Variants in MGMT observed in about 807,000 individuals in gnomAD.
MGMT encodes the protein methylated-DNA--protein-cysteine methyltransferase.
Under a neutral mutation model 15.9 loss-of-function variants are expected in MGMT, and 14 were observed. The ratio of observed to expected loss-of-function variants is 0.88; its 90% CI spans 0.58 to 1.37. The LOEUF is 1.37. Among genes scored for constraint, MGMT ranks in the 40% most tolerant of loss-of-function variants. The probability of loss-of-function intolerance (pLI) is 0.00; values close to 1 mark genes in which losing one functional copy is unlikely to be tolerated. For synonymous variants in MGMT, 130 were observed against 118.2 expected (o/e 1.10, Z -0.65); for missense variants, 282 against 268.1 (o/e 1.05, Z -0.36).
At chr10:129,668,860 T>G (rs527905229) in intron 2 of MGMT, among the ~76,000 whole-genome samples, 1 of 152,162 alleles carries the variant, frequency 6.6e-6, no homozygotes, top group Non-Finnish European at 1.5e-5. Context: ...TAGAGAAACA[T>G]CTCTACAATT....
At chr10:129,515,390 G>A (rs963967596) in intron 1 of MGMT, among the ~76,000 whole-genome samples, 3 of 152,222 alleles carry the variant, frequency 2.0e-5, no homozygotes, top group Admixed American at 1.3e-4. Context: ...TTTCCGCAAG[G>A]CCCCGTTGAA....
intron 3 of MGMT, among the ~76,000 whole-genome samples, chr10:129,757,364 C>G (rs933503756): frequency 4.6e-5 from 7 of 152,208 alleles, no homozygotes; most frequent in Non-Finnish European, 1.0e-4. Context: ...CATTGTTTCT[C>G]GGAACTGCTC....
At chr10:129,544,148 C>T (rs551349895) in intron 2 of MGMT, among the ~76,000 whole-genome samples, 1 of 152,222 alleles carries the variant, frequency 6.6e-6, no homozygotes, top group Non-Finnish European at 1.5e-5. Context: ...TCATGCCCCT[C>T]TCTCCTTTAT....
chr10:129,718,299 A>G (rs890383398), intron 3 of MGMT, among the ~76,000 whole-genome samples: 1 of 152,214 alleles, frequency 6.6e-6, no homozygotes, highest in African/African-American at 2.4e-5. Context: ...GCTTCGGGCT[A>G]GGTGTCTCCT....
intron 2 of MGMT, among the ~76,000 whole-genome samples, chr10:129,666,268 T>G (rs957106205): frequency 3.3e-5 from 5 of 152,204 alleles, no homozygotes; most frequent in African/African-American, 1.2e-4. Flanking sequence ...TAGAATGCAT[T>G]TGTCAACTTT....
chr10:129,749,525 C>T (rs1458665400), intron 3 of MGMT, among the ~76,000 whole-genome samples: 4 of 152,130 alleles, frequency 2.6e-5, no homozygotes, highest in Non-Finnish European at 5.9e-5. Flanking sequence ...GTTCACCTAT[C>T]GAACAACATT....
intron 3 of MGMT, among the ~76,000 whole-genome samples, chr10:129,713,741 G>T (rs1358815327): frequency 6.6e-6 from 1 of 152,062 alleles, no homozygotes; most frequent in Non-Finnish European, 1.5e-5. Flanking sequence ...GTGGTGAGGG[G>T]TCTTCTGAGC....
intron 1 of MGMT, among the ~76,000 whole-genome samples, chr10:129,468,877 C>T (rs543662975): frequency 6.6e-5 from 10 of 152,228 alleles, no homozygotes; most frequent in African/African-American, 2.4e-4. Context: ...GAGAGTGAAA[C>T]TGTCCTGAAG....
rs148167529 is a variant in MGMT at position 129,560,585 on chromosome 10, C to T, written c.125+24208C>T. 5.8e-3 allele frequency among the ~76,000 whole-genome samples: 884 copies of T among 152,276 alleles called. 5 individuals are homozygous for T. Among genetic ancestry groups the T allele is most frequent in the Non-Finnish European group, 8.6e-3 (587 of 68,014 alleles). ...TCCTTCGTTCTTTTGCTGTTGGTTA[C>T]GGTGGCAGAGTGCCTACTGTGTACA... On this transcript the variant is annotated intron_variant, in intron 2 of 4. Transcript: ENST00000651593.
At chr10:129,548,521 T>G (rs543582319) in intron 2 of MGMT, among the ~76,000 whole-genome samples, 1 of 152,398 alleles carries the variant, frequency 6.6e-6, no homozygotes, top group Non-Finnish European at 1.5e-5. Flanking sequence ...ACTGGGCCAC[T>G]CATTTCCTTC....
chr10:129,759,521 C>A (rs1418933263), intron 4 of MGMT, among the ~76,000 whole-genome samples, 180 bp downstream of exon 4: 2 of 152,134 alleles, frequency 1.3e-5, no homozygotes, highest in Non-Finnish European at 1.5e-5. Flanking sequence ...GAGGCTACCC[C>A]AGCACTACAC....
At chr10:129,593,892 G>A (rs2133056016) in intron 2 of MGMT, among the ~76,000 whole-genome samples, 1 of 152,354 alleles carries the variant, frequency 6.6e-6, no homozygotes, top group Non-Finnish European at 1.5e-5. Flanking sequence ...GAGAAGGTGG[G>A]AGCAGAGGAG....
At chr10:129,580,545 T>C (rs1001714573) in intron 2 of MGMT, among the ~76,000 whole-genome samples, 1 of 152,162 alleles carries the variant, frequency 6.6e-6, no homozygotes, top group Non-Finnish European at 1.5e-5. Context: ...AGTGATACCC[T>C]AAAGCCCATG....
chr10:129,596,863 G>C (rs920261504), intron 2 of MGMT, among the ~76,000 whole-genome samples: 3 of 152,152 alleles, frequency 2.0e-5, no homozygotes, highest in African/African-American at 7.2e-5. Context: ...AGCCAGGAAA[G>C]AGAGGGAAGC....
Position 129,508,528 on chromosome 10 carries a change from T to G in MGMT, c.-12-27713T>G, listed in dbSNP as rs562699814. ...TTAATTTTTCTTTCTTTCTTTTTTT[T>G]TTTTTTGTTTTTTGTTTGTTTTTTT... On this transcript the variant is annotated intron_variant, in intron 1 of 4. Coordinates refer to ENST00000651593, the MANE Select transcript of MGMT (RefSeq NM_002412.5). Among the ~76,000 whole-genome samples the G allele has an allele frequency of 1.6e-4, 24 of 151,252 alleles. No homozygotes were observed. The East Asian group carries it at 2.5e-3, about 16-fold the overall frequency.
At chr10:129,698,278 G>A (rs541024350) in intron 2 of MGMT, among the ~76,000 whole-genome samples, 2 of 152,276 alleles carry the variant, frequency 1.3e-5, no homozygotes, top group Admixed American at 6.5e-5. Context: ...AGACACCAGC[G>A]GTTGACCAGA....
In MGMT at chr10:129,659,706, G is replaced by A. The variant is rs1277111193; in HGVS notation, c.126-48189G>A. ...AAAATATTCCATGAGTAGCTGCCAG[G>A]AGAGCTTTTCTGGAACAGTATTAAA... On this transcript the variant is annotated intron_variant, in intron 2 of 4. Transcript: ENST00000651593. The surrounding 1 kb of genome is among the most constrained non-coding windows in gnomAD (Gnocchi z 4.1). Among the ~76,000 whole-genome samples, 1 of 152,222 alleles carries A rather than the reference G, an allele frequency of 6.6e-6. No individual in the cohort carries two copies. The highest frequency in any genetic ancestry group is 1.5e-5 in the Non-Finnish European group (1 of 68,044).
chr10:129,486,931 T>C (rs779066262), intron 1 of MGMT, among the ~76,000 whole-genome samples: 2 of 152,200 alleles, frequency 1.3e-5, no homozygotes, highest in Non-Finnish European at 2.9e-5. Flanking sequence ...AGGACTTTAA[T>C]CAGTTAAATG....
intron 2 of MGMT, among the ~76,000 whole-genome samples, chr10:129,683,993 C>G (rs1847880134): frequency 1.3e-5 from 2 of 152,216 alleles, no homozygotes; most frequent in African/African-American, 4.8e-5. Context: ...AGCTGCTCCC[C>G]ACTCATCCCA....
Sources: gnomAD v4.1 joint callset for allele counts (sites outside exome capture counted in the v4.1 genomes callset) on GRCh38, gnomAD v4.1.1 for gene constraint, Gnocchi (gnomAD v3.1) non-coding constraint, MANE v1.5 for transcripts, NCBI Gene and HGNC (gene_info 2026-07-23, HGNC 2026-07-21) for gene names.